The following ZNF185 variants were observed in gnomAD, a reference collection of about 807,000 sequenced individuals.
ZNF185 encodes the protein zinc finger protein 185.
In ZNF185, 56 loss-of-function variants were observed where a neutral mutation model predicts 58.6. The ratio of observed to expected loss-of-function variants is 0.95; its 90% confidence interval spans 0.77 to 1.19. ZNF185 has a LOEUF of 1.19. Ranked by LOEUF, ZNF185 falls within the 50% of genes most tolerant of loss-of-function variation. ZNF185 has a pLI of 0.00. For missense variants in ZNF185, 627 were observed against 573.5 expected (o/e 1.09, Z -0.95); for synonymous variants, 230 against 215.9 (o/e 1.07, Z -0.57).
At chrX:152,910,579 A>G (rs1937030269), upstream of ZNF185, among the ~76,000 whole-genome samples, 1 of 112,052 alleles carries the variant, frequency 8.9e-6, no homozygotes, top group Non-Finnish European at 1.9e-5. Context: ...GATAGATTAC[A>G]ATATGTTTAA....
intron 16 of ZNF185, among the ~76,000 whole-genome samples, chrX:152,954,157 T>A (rs1304887049): frequency 9.0e-6 from 1 of 110,572 alleles, no homozygotes; most frequent in Non-Finnish European, 1.9e-5. Context: ...AAAGCCTTTT[T>A]TTTTCAGTAG....
At chrX:152,942,857 A>G (rs5970399) in intron 15 of ZNF185, among the ~76,000 whole-genome samples, 3,684 of 111,201 alleles carry the variant, frequency 0.033, 147 homozygotes, top group African/African-American at 0.11. Flanking sequence ...CTGTAATCCT[A>G]TACTTTGAGA....
intron 14 of ZNF185, among the ~76,000 whole-genome samples, chrX:152,934,656 A>G (rs2046056907): frequency 8.9e-6 from 1 of 112,014 alleles, no homozygotes; most frequent in African/African-American, 3.3e-5. Flanking sequence ...TACCCTTTAA[A>G]GCATCTCTAG....
intron 18 of ZNF185, 81 bp downstream of exon 20, chrX:152,964,030 A>G: frequency 3.1e-6 from 3 of 970,860 alleles, no homozygotes; most frequent in Non-Finnish European, 4.4e-6. Context: ...CTTTTGTTCC[A>G]TGTTGCTTCC....
chrX:152,907,873 C>G, the ZNF185 span, among the ~76,000 whole-genome samples: 1 of 112,804 alleles, frequency 8.9e-6, no homozygotes, highest in Non-Finnish European at 1.9e-5. Flanking sequence ...ATGGAGATTT[C>G]CAAAAAACCA....
intron 16 of ZNF185, among the ~76,000 whole-genome samples, chrX:152,947,618 A>G (rs2047916192): frequency 8.9e-6 from 1 of 112,347 alleles, no homozygotes; most frequent in African/African-American, 3.2e-5. Context: ...CTACTGAGTA[A>G]ACAAATGTGG....
At chrX:152,936,555 A>G in intron 14 of ZNF185, 42 bp downstream of exon 16, 1 of 1,107,327 alleles carries the variant, frequency 9.0e-7, no homozygotes, top group South Asian at 2.0e-5. Context: ...TCCCATTGCC[A>G]GACACAGCCT....
exon 3 of ZNF185, chrX:152,915,147 C>T (rs781965090): frequency 8.3e-7 from 1 of 1,208,741 alleles, no homozygotes; most frequent in Non-Finnish European, 1.1e-6. Flanking sequence ...GAGAGCTGCC[C>T]TCAGGCCGGA....
At chrX:152,905,146 C>T in the ZNF185 span, among the ~76,000 whole-genome samples, 20,516 of 112,456 alleles carry the variant, frequency 0.18, 1,346 homozygotes, top group South Asian at 0.26. Context: ...CCGCTGTGCC[C>T]GTCTCATGAC....
intron 15 of ZNF185, among the ~76,000 whole-genome samples, chrX:152,942,674 A>C (rs2047354487): frequency 8.9e-6 from 1 of 112,080 alleles, no homozygotes; most frequent in African/African-American, 3.3e-5. Context: ...TCCATCTAGA[A>C]CATGCTGTTT....
chrX:152,931,469 A>G (rs1175069954), intron 12 of ZNF185, among the ~76,000 whole-genome samples: 4 of 112,179 alleles, frequency 3.6e-5, no homozygotes, highest in African/African-American at 1.3e-4. Flanking sequence ...TGTGTTTCTC[A>G]GGCTGGTCTT....
upstream of ZNF185, among the ~76,000 whole-genome samples, chrX:152,910,433 CA>C (rs1937006466): frequency 8.9e-6 from 1 of 112,434 alleles, no homozygotes; most frequent in Non-Finnish European, 1.9e-5. Context: ...ATGACACCAT[CA>C]TACACATCCT....
chrX:152,942,302 T>G (rs1488685539), intron 15 of ZNF185, among the ~76,000 whole-genome samples: 2 of 111,941 alleles, frequency 1.8e-5, no homozygotes, highest in Admixed American at 1.9e-4. Flanking sequence ...TATAGTATAG[T>G]GGTTGAGAGC....
At chrX:152,943,162 A>C (rs1160419142) in intron 15 of ZNF185, among the ~76,000 whole-genome samples, 4 of 110,889 alleles carry the variant, frequency 3.6e-5, no homozygotes, top group African/African-American at 1.3e-4. Context: ...ACACCACTGC[A>C]CCTGGCTTAT....
chrX:152,964,256 C>T (rs868953977), intron 18 of ZNF185, among the ~76,000 whole-genome samples: 2 of 112,785 alleles, frequency 1.8e-5, no homozygotes, highest in Non-Finnish European at 3.7e-5. Context: ...AGCTCCAGTC[C>T]GTGAAGGCCG....
At chrX:152,918,129 A>T in exon 6 of ZNF185, 1 of 1,194,385 alleles carries the variant, frequency 8.4e-7, no homozygotes, top group Non-Finnish European at 1.1e-6. Context: ...TGGCTACAAG[A>T]TGACCACTGA....
At chrX:152,967,306 G>A (rs1293678061) in intron 20 of ZNF185, 68 bp downstream of exon 22, 6 of 1,069,504 alleles carry the variant, frequency 5.6e-6, no homozygotes, top group Non-Finnish European at 7.8e-6. Flanking sequence ...GAGAGTTCCT[G>A]CTGAGTCTGT....
At chrX:152,938,321 C>G (rs1240719689) in intron 15 of ZNF185, among the ~76,000 whole-genome samples, 158 bp downstream of exon 17, 2 of 112,649 alleles carry the variant, frequency 1.8e-5, no homozygotes, top group African/African-American at 3.2e-5. Context: ...AACCCTCTGG[C>G]TTCTGGGGCC....
Position 152,915,216 on chromosome X carries a change from G to A in ZNF185, c.224+13G>A. ...TTCCGAAGCCTAGGTAAGAGGTGGTGCTCAGGTGGCTGGTGGGTCAGCCCC... is the reference window on the plus strand; with the variant it reads ...TTCCGAAGCCTAGGTAAGAGGTGGTACTCAGGTGGCTGGTGGGTCAGCCCC... On this transcript the variant is annotated intron_variant, in intron 3 of 22. Transcript: ENST00000449285. The A allele has an allele frequency of 8.3e-7, 1 of 1,206,714 alleles. No individual in the cohort carries two copies. Among genetic ancestry groups the A allele is most frequent in the Non-Finnish European group, 1.1e-6 (1 of 893,267 alleles).
Sources: allele counts gnomAD v4.1 joint callset (sites outside exome capture counted in the v4.1 genomes callset), GRCh38; gene constraint gnomAD v4.1.1; transcripts MANE v1.5; gene names NCBI Gene and HGNC (gene_info 2026-07-23, HGNC 2026-07-21).